The following PPARGC1A variants were observed in gnomAD, a reference collection of about 807,000 sequenced individuals.
PPARGC1A encodes PPARG coactivator 1 alpha.
Under a neutral mutation model 88.7 loss-of-function variants are expected in PPARGC1A, and 25 were observed. The observed-to-expected ratio is 0.28, with a 90% CI of 0.21 to 0.39. The LOEUF (loss-of-function observed/expected upper bound fraction) is 0.39. PPARGC1A is among the 10% of genes least tolerant of loss of function. The pLI, the probability that PPARGC1A is intolerant of heterozygous loss-of-function variation, is 1.00. For synonymous variants in PPARGC1A, 363 were observed against 355.6 expected (o/e 1.02, Z -0.24); for missense variants, 880 against 968.7 (o/e 0.91, Z 1.22).
At chr4:24,166,366 G>A in the PPARGC1A span, among the ~76,000 whole-genome samples, 18 of 152,224 alleles carry the variant, frequency 1.2e-4, 1 homozygote, top group African/African-American at 4.8e-5. Context: ...AAGTCACCCA[G>A]AGGATCTAGC....
At chr4:23,829,317 C>T in intron 4 of PPARGC1A, 146 bp downstream of exon 4, 12 of 839,372 alleles carry the variant, frequency 1.4e-5, no homozygotes, top group Non-Finnish European at 2.0e-5. Context: ...GCGCTGTTTA[C>T]GGAATCCCAT....
upstream of PPARGC1A, among the ~76,000 whole-genome samples, chr4:23,892,170 G>T (rs1717943823): frequency 6.6e-6 from 1 of 152,018 alleles, no homozygotes; most frequent in Non-Finnish European, 1.5e-5. Context: ...ATTCTAACCT[G>T]CCCAGATTGT....
At chr4:24,257,803 G>C in the PPARGC1A span, among the ~76,000 whole-genome samples, 1 of 152,066 alleles carries the variant, frequency 6.6e-6, no homozygotes, top group Admixed American at 6.5e-5. Flanking sequence ...ATTTCTTTGA[G>C]ACATAAAGTG....
At chr4:24,464,578 C>G in the PPARGC1A span, among the ~76,000 whole-genome samples, 1 of 152,136 alleles carries the variant, frequency 6.6e-6, no homozygotes, top group African/African-American at 2.4e-5. Context: ...CTTTCTAATA[C>G]TCTTTCAGGC....
chr4:24,365,992 C>G, the PPARGC1A span, among the ~76,000 whole-genome samples: 1 of 152,132 alleles, frequency 6.6e-6, no homozygotes, highest in African/African-American at 2.4e-5. Context: ...TCCTAATCAT[C>G]AACTTGTGGA....
chr4:23,867,072 G>T (rs1037530318), intron 2 of PPARGC1A, among the ~76,000 whole-genome samples: 5 of 152,068 alleles, frequency 3.3e-5, no homozygotes, highest in East Asian at 1.9e-4. Flanking sequence ...AAATAAGAGG[G>T]TATTTAACTT....
the PPARGC1A span, among the ~76,000 whole-genome samples, chr4:24,294,325 C>T: frequency 2.0e-5 from 3 of 152,062 alleles, no homozygotes; most frequent in Admixed American, 2.0e-4. Flanking sequence ...GTTTCGATGT[C>T]CATTAATACA....
the PPARGC1A span, among the ~76,000 whole-genome samples, chr4:24,107,365 T>A: frequency 6.6e-6 from 1 of 152,224 alleles, no homozygotes; most frequent in South Asian, 2.1e-4. Flanking sequence ...AATAACACAT[T>A]GATCCCTGAT....
the PPARGC1A span, among the ~76,000 whole-genome samples, chr4:24,454,427 G>A: frequency 6.6e-6 from 1 of 152,086 alleles, no homozygotes; most frequent in African/African-American, 2.4e-5. Context: ...CAAGAGCAAA[G>A]CAATCCGGAT....
At chr4:23,882,518 T>C (rs1360720318) in intron 2 of PPARGC1A, among the ~76,000 whole-genome samples, 1 of 152,118 alleles carries the variant, frequency 6.6e-6, no homozygotes. Flanking sequence ...CAATAAATGC[T>C]CGTAGCATCC....
the PPARGC1A span, among the ~76,000 whole-genome samples, chr4:24,458,846 A>C: frequency 6.6e-6 from 1 of 152,208 alleles, no homozygotes; most frequent in Admixed American, 6.5e-5. Flanking sequence ...GTCAGTTATG[A>C]TTTATTGGAC....
the PPARGC1A span, among the ~76,000 whole-genome samples, chr4:23,923,946 C>A: frequency 1.3e-3 from 195 of 152,310 alleles, 2 homozygotes; most frequent in Middle Eastern, 0.017. Context: ...CATGACATTT[C>A]TTCTGGGCTG....
the PPARGC1A span, among the ~76,000 whole-genome samples, chr4:23,986,580 C>T: frequency 1.3e-5 from 2 of 152,210 alleles, no homozygotes; most frequent in South Asian, 4.1e-4. Context: ...GAAACCTAGA[C>T]TACATTAGGC....
At chr4:24,314,316 C>A in the PPARGC1A span, among the ~76,000 whole-genome samples, 5 of 152,136 alleles carry the variant, frequency 3.3e-5, no homozygotes, top group Admixed American at 1.3e-4. Flanking sequence ...GAAGTGGAAC[C>A]TTTTGGGAAG....
At chr4:24,113,804 A>C in the PPARGC1A span, among the ~76,000 whole-genome samples, 1 of 152,196 alleles carries the variant, frequency 6.6e-6, no homozygotes, top group South Asian at 2.1e-4. Context: ...TGTGGCAATA[A>C]ACATGAAGAG....
chr4:24,340,919 C>A, the PPARGC1A span, among the ~76,000 whole-genome samples: 1 of 152,130 alleles, frequency 6.6e-6, no homozygotes, highest in Non-Finnish European at 1.5e-5. Flanking sequence ...TTATCCATTT[C>A]TTCATTTTCT....
chr4:23,845,064 A>AG (rs940769869), intron 2 of PPARGC1A, among the ~76,000 whole-genome samples: 1 of 151,414 alleles, frequency 6.6e-6, no homozygotes, highest in Non-Finnish European at 1.5e-5. Flanking sequence ...TATAAGCAGG[A>AG]GGGGGGTGAT....
At chr4:23,853,460 G>A (rs1444717705) in intron 2 of PPARGC1A, among the ~76,000 whole-genome samples, 1 of 152,100 alleles carries the variant, frequency 6.6e-6, no homozygotes, top group African/African-American at 2.4e-5. Flanking sequence ...CACATTTTGA[G>A]GAGGTACTCA....
the PPARGC1A span, among the ~76,000 whole-genome samples, chr4:24,137,687 TCAAA>T: frequency 6.6e-6 from 1 of 151,952 alleles, no homozygotes; most frequent in Non-Finnish European, 1.5e-5. Context: ...GAGAATCGCT[TCAAA>T]CAAAAGGCTA....
Sources: gnomAD v4.1 joint callset for allele counts (sites outside exome capture counted in the v4.1 genomes callset) on GRCh38, gnomAD v4.1.1 for gene constraint, MANE v1.5 for transcripts, NCBI Gene and HGNC (gene_info 2026-07-23, HGNC 2026-07-21) for gene names.